TIAM1: variants seen among roughly 807,000 people sequenced by gnomAD.
TIAM1 encodes the protein rho guanine nucleotide exchange factor TIAM1.
In TIAM1, 65 loss-of-function variants were observed where a neutral mutation model predicts 163.5. The observed-to-expected ratio is 0.40, with a 90% CI of 0.33 to 0.49. TIAM1 has a LOEUF of 0.49. Ranked by LOEUF, TIAM1 falls within the 20% of genes least tolerant of loss-of-function variation. The pLI is 0.77. For missense variants in TIAM1, 1,789 were observed against 2,044.7 expected (o/e 0.87, Z 2.41); for synonymous variants, 833 against 810.1 (o/e 1.03, Z -0.48).
chr21:31,408,279 C>G (rs1313565649), intron 2 of TIAM1, among the ~76,000 whole-genome samples: 1 of 151,998 alleles, frequency 6.6e-6, no homozygotes, highest in Non-Finnish European at 1.5e-5. Flanking sequence ...AAGAGAAAGA[C>G]AAAGAGAAGA....
chr21:31,224,528 T>G (rs1051263432), intron 7 of TIAM1, among the ~76,000 whole-genome samples: 1 of 152,158 alleles, frequency 6.6e-6, no homozygotes, highest in East Asian at 1.9e-4. Flanking sequence ...ATATCTAGAA[T>G]AGGCAAATCC....
intron 6 of TIAM1, among the ~76,000 whole-genome samples, chr21:31,234,204 T>C (rs1442255292): frequency 6.7e-6 from 1 of 148,600 alleles, no homozygotes; most frequent in African/African-American, 2.5e-5. Flanking sequence ...AGAGAAAGCT[T>C]CCCTAAAATC....
intron 23 of TIAM1, among the ~76,000 whole-genome samples, chr21:31,134,991 C>T (rs1395458158): frequency 1.3e-5 from 2 of 151,848 alleles, no homozygotes; most frequent in Non-Finnish European, 1.5e-5. Context: ...ACTTTGTTCA[C>T]ATCATGGAGG....
Position 31,541,151 on chromosome 21 carries a change from A to T in TIAM1, c.-422+17776T>A, listed in dbSNP as rs148550348. Among the ~76,000 whole-genome samples the T allele has an allele frequency of 1.2e-3, 179 of 152,298 alleles. 2 individuals carry two copies. The highest frequency in any genetic ancestry group is 4.1e-3 in the Admixed American group (63 of 15,294). Reference sequence around the variant, plus strand: ...GTATGTTTAGAAAAGAAAGCAAGCAAACAATATATACTTAAAGAATGTCAG... The same window carrying T: ...GTATGTTTAGAAAAGAAAGCAAGCATACAATATATACTTAAAGAATGTCAG... On this transcript the variant is annotated intron_variant, in intron 1 of 28. Transcript: ENST00000286827.
intron 2 of TIAM1, among the ~76,000 whole-genome samples, chr21:31,429,940 G>A (rs1036972952): frequency 6.6e-6 from 1 of 152,116 alleles, no homozygotes; most frequent in Non-Finnish European, 1.5e-5. Flanking sequence ...CGGGAGTGGT[G>A]GCACACGCCT....
chr21:31,154,549 G>T (rs2083531112), intron 16 of TIAM1, 123 bp from the exon 17 acceptor site: 1 of 995,120 alleles, frequency 1.0e-6, no homozygotes, highest in Non-Finnish European at 1.4e-6. Context: ...ATGTCGTCTT[G>T]TGTTTCCACA....
intron 15 of TIAM1, among the ~76,000 whole-genome samples, chr21:31,170,686 T>G (rs1171920281): frequency 6.6e-6 from 1 of 152,124 alleles, no homozygotes; most frequent in Non-Finnish European, 1.5e-5. Flanking sequence ...ATGATGGGGT[T>G]ATGTCCCAAT....
chr21:31,292,504 G>A (rs2074062574), intron 2 of TIAM1, among the ~76,000 whole-genome samples: 1 of 151,518 alleles, frequency 6.6e-6, no homozygotes, highest in African/African-American at 2.4e-5. Flanking sequence ...CGAGTAGCTG[G>A]GATTACAAGC....
At chr21:31,544,497 G>T (rs1478380383) in intron 1 of TIAM1, among the ~76,000 whole-genome samples, 1 of 147,496 alleles carries the variant, frequency 6.8e-6, no homozygotes, top group Non-Finnish European at 1.5e-5. Context: ...GCACGATGGT[G>T]GGCGCCTGTA....
intron 1 of TIAM1, among the ~76,000 whole-genome samples, chr21:31,478,658 G>A (rs1420993491): frequency 6.6e-6 from 1 of 152,214 alleles, no homozygotes; most frequent in East Asian, 1.9e-4. Flanking sequence ...AAGCTTCTAA[G>A]TTGGTAAGAA....
chr21:31,437,446 T>G (rs111965915), intron 2 of TIAM1, among the ~76,000 whole-genome samples: 2 of 147,238 alleles, frequency 1.4e-5, no homozygotes, highest in African/African-American at 5.2e-5. Context: ...GAGGCTGGAG[T>G]GAATCATGAT....
chr21:31,514,477 A>G (rs185064555), intron 1 of TIAM1, among the ~76,000 whole-genome samples: 39 of 151,316 alleles, frequency 2.6e-4, no homozygotes, highest in Non-Finnish European at 5.5e-4. Flanking sequence ...CAGGAGTTTG[A>G]GACCAGCCTG....
rs770674057 is a variant in TIAM1, at chr21:31,135,974, G to A, written c.3842C>T (p.Ser1281Leu). The A allele has an allele frequency of 2.5e-5, 40 of 1,613,982 alleles. No homozygotes were observed. Among genetic ancestry groups the A allele is most frequent in the Admixed American group, 5.0e-5 (3 of 59,984 alleles). The change falls in exon 23 of 28, where the codon TCG (serine) becomes TTG (leucine). Residue 1281 changes from serine to leucine, a missense_variant. Physicochemically the swap from Ser to Leu is moderately radical, Grantham distance 145 (BLOSUM62 -2). Transcript: ENST00000541036. ...TGGTTCCTTTTTCCACTTGCCCAGC[G>A]AGGCCGGCGGGTTCAGCCAGATCAC... Reference protein sequence around the residue: ...TTVIWLNPPASLGKWKKEPEL... With the variant: ...TTVIWLNPPALLGKWKKEPEL...
In TIAM1 at chr21:31,538,705, T is replaced by TTTTC. The variant is rs1430105411; in HGVS notation, c.-422+20218_-422+20221dup. Among the ~76,000 whole-genome samples, 4 of 152,206 alleles carry TTTTC rather than the reference T, an allele frequency of 2.6e-5. No homozygotes were observed. The South Asian group carries it at 8.3e-4, about 32-fold the overall frequency. ...CAAAAGAAATATGGACATGACAATG[T>TTTTC]TTTCATTAATGCTGCCTTGGTTTCG... is the stretch of plus-strand genomic sequence containing the variant. On this transcript the variant is annotated intron_variant, in intron 1 of 28. Coordinates refer to the TIAM1 transcript ENST00000286827.
chr21:31,487,368 CTTTTTCT>C (rs1602398132), intron 1 of TIAM1, among the ~76,000 whole-genome samples: 1 of 152,062 alleles, frequency 6.6e-6, no homozygotes, highest in African/African-American at 2.4e-5. Flanking sequence ...CCAGGATTTT[CTTTTTCT>C]TTTTTCTTTT....
chr21:31,435,381 C>T (rs927780436), intron 2 of TIAM1, among the ~76,000 whole-genome samples: 2 of 152,148 alleles, frequency 1.3e-5, no homozygotes, highest in Non-Finnish European at 2.9e-5. Flanking sequence ...TATAAGGTCA[C>T]AAGATGCCTT....
chr21:31,390,674 A>C (rs1310769582), intron 2 of TIAM1, among the ~76,000 whole-genome samples: 2 of 152,226 alleles, frequency 1.3e-5, no homozygotes, highest in African/African-American at 4.8e-5. Flanking sequence ...CTTGAAAAGT[A>C]AAGTCTAAAA....
At chr21:31,167,580 C>A (rs1053316727) in intron 15 of TIAM1, among the ~76,000 whole-genome samples, 1 of 152,174 alleles carries the variant, frequency 6.6e-6, no homozygotes, top group African/African-American at 2.4e-5. Context: ...CATGCTATGG[C>A]AGCCTAAGTA....
chr21:31,508,945 G>A (rs1159645966), intron 1 of TIAM1, among the ~76,000 whole-genome samples: 6 of 152,044 alleles, frequency 3.9e-5, no homozygotes, highest in Admixed American at 3.9e-4. Context: ...GCTGTGCTAC[G>A]AACTCACCTG....
Sources: allele counts gnomAD v4.1 joint callset (sites outside exome capture counted in the v4.1 genomes callset), GRCh38; gene constraint gnomAD v4.1.1; transcripts MANE v1.5; gene names NCBI Gene and HGNC (gene_info 2026-07-23, HGNC 2026-07-21).